Variants in VAV2 observed in about 807,000 individuals in gnomAD.
VAV2 encodes vav guanine nucleotide exchange factor 2, also known as guanine nucleotide exchange factor VAV2.
A neutral mutation model predicts 132.5 loss-of-function variants in VAV2; 67 were observed. The ratio of observed to expected loss-of-function variants is 0.51; its 90% CI spans 0.42 to 0.62. The LOEUF is 0.62. VAV2 is among the 20% of genes least tolerant of loss of function. VAV2 has a pLI of 0.00. For synonymous variants in VAV2, 492 were observed against 443.5 expected, an observed-to-expected ratio of 1.11 and a Z score of -1.37; for missense variants, 938 against 1,153.6, an observed-to-expected ratio of 0.81 and a Z score of 2.71.
intron 2 of VAV2, among the ~76,000 whole-genome samples, chr9:133,875,928 C>T (rs375632101): frequency 6.6e-6 from 1 of 152,216 alleles, no homozygotes; most frequent in Non-Finnish European, 1.5e-5. Flanking sequence ...CACCCAACTG[C>T]GGGGGCCCAA....
intron 1 of VAV2, among the ~76,000 whole-genome samples, chr9:133,947,703 A>T (rs1437334253): frequency 1.3e-5 from 2 of 151,822 alleles, no homozygotes; most frequent in Non-Finnish European, 2.9e-5. Flanking sequence ...CCGTCTCAAA[A>T]AAAAAAAAAC....
Position 133,935,744 on chromosome 9 carries a change from G to T in VAV2, c.321+3359C>A, listed in dbSNP as rs576304403. Among the ~76,000 whole-genome samples the T allele has an allele frequency of 6.6e-6, 1 of 152,216 alleles. No individual in the cohort carries two copies. Among genetic ancestry groups the T allele is most frequent in the African/African-American group, 2.4e-5 (1 of 41,460 alleles). On this transcript the variant is annotated intron_variant, in intron 2 of 29. Coordinates refer to ENST00000371850, the MANE Select transcript of VAV2 (RefSeq NM_001134398.2). This position sits in a 1 kb window ranked among gnomAD's most constrained non-coding sequence, Gnocchi z 5.2. ...GAAGTGCTGACCACAGCTTGACCAC[G>T]GTAGGAAAAACATCCAGGGAAGGAA...
chr9:133,950,488 C>T (rs576804523), intron 1 of VAV2, among the ~76,000 whole-genome samples: 3 of 152,296 alleles, frequency 2.0e-5, no homozygotes, highest in Non-Finnish European at 2.9e-5. Flanking sequence ...CCTCTGCTGC[C>T]GACGGTGGGT....
rs7046600 is a variant in VAV2, at chr9:133,929,627, C to T, written c.321+9476G>A. On this transcript the variant is annotated intron_variant, in intron 2 of 29. Coordinates refer to ENST00000371850, the MANE Select transcript of VAV2 (RefSeq NM_001134398.2). ...AGGAGGAAGGGCCCCTCTGCCTGCACGCAAAAGCCAAGGGGCCTCTCAGCT... is the reference window on the plus strand; with the variant it reads ...AGGAGGAAGGGCCCCTCTGCCTGCATGCAAAAGCCAAGGGGCCTCTCAGCT... 3.3e-5 allele frequency among the ~76,000 whole-genome samples: 5 copies of T among 152,214 alleles called. No individual in the cohort carries two copies. In the South Asian group the frequency reaches 6.2e-4, roughly 19 times the overall value.
At chr9:133,828,331 G>A (rs371222735) in intron 4 of VAV2, among the ~76,000 whole-genome samples, 1 of 23,278 alleles carries the variant, frequency 4.3e-5, no homozygotes, top group African/African-American at 1.3e-4. Context: ...CTACCGCTGC[G>A]CCCACTGGGG....
intron 2 of VAV2, among the ~76,000 whole-genome samples, chr9:133,894,737 A>G (rs1488794234): frequency 1.3e-5 from 2 of 152,178 alleles, no homozygotes; most frequent in African/African-American, 2.4e-5. Context: ...GGGCACCCCA[A>G]GAGGCTCCAG....
chr9:133,788,243 C>CCCCAAA lies in VAV2; in HGVS notation c.1407+110_1407+111insTTTGGG. ...AGACGCCCACCCCAACCCACCCGGC[C>CCCCAAA]AGCATCAGCGGCTGACTTCGAGTCC... On this transcript the variant is annotated intron_variant, in intron 15 of 29. Transcript: ENST00000371850. This position sits in a 1 kb window ranked among gnomAD's most constrained non-coding sequence, Gnocchi z 5.3. The CCCCAAA allele has an allele frequency of 4.6e-6, 6 of 1,310,468 alleles. No individual in the cohort carries two copies. Among genetic ancestry groups the CCCCAAA allele is most frequent in the Non-Finnish European group, 6.3e-6 (6 of 948,746 alleles). The allele number at this position is 1,310,468 out of a possible 1,614,324, so 81.2% of individuals were successfully genotyped here.
intron 3 of VAV2, among the ~76,000 whole-genome samples, chr9:133,855,790 AG>A (rs763843756): frequency 1.3e-5 from 2 of 152,228 alleles, no homozygotes; most frequent in Non-Finnish European, 2.9e-5. Flanking sequence ...AAATTGAAGC[AG>A]GAAGTTCCAG....
chr9:133,844,111 C>T (rs1041682799), intron 3 of VAV2, among the ~76,000 whole-genome samples: 2 of 152,142 alleles, frequency 1.3e-5, no homozygotes, highest in Non-Finnish European at 2.9e-5. Flanking sequence ...ATCTCACAGG[C>T]GGAAAGAAAT....
intron 4 of VAV2, among the ~76,000 whole-genome samples, chr9:133,831,071 G>A (rs1182489479): frequency 6.6e-6 from 1 of 152,168 alleles, no homozygotes; most frequent in Admixed American, 6.5e-5. Context: ...GCTTTTCTGG[G>A]TGAGAGGAAT....
In VAV2 at chr9:133,992,063, C is replaced by T; in HGVS notation, c.204+12G>A. The T allele has an allele frequency of 6.5e-7, 1 of 1,542,268 alleles. No homozygotes were observed. ...CGCCTCCCCGGGGCCCTCCCGCCCG[C>T]CGGGCGCTCACCTGGGACATCTGCG... On this transcript the variant is annotated intron_variant, in intron 1 of 29. Coordinates refer to ENST00000371850, the MANE Select transcript of VAV2 (RefSeq NM_001134398.2). The surrounding 1 kb of genome is among the most constrained non-coding windows in gnomAD (Gnocchi z 5.5).
chr9:133,785,445 G>A (rs753103845), intron 17 of VAV2, among the ~76,000 whole-genome samples: 4 of 152,204 alleles, frequency 2.6e-5, no homozygotes, highest in Non-Finnish European at 5.9e-5. Flanking sequence ...TGGCATCATG[G>A]CCACTCCCAG....
intron 1 of VAV2, among the ~76,000 whole-genome samples, chr9:133,964,050 C>CATACAT (rs1564507703): frequency 2.4e-5 from 2 of 84,912 alleles, no homozygotes; most frequent in Non-Finnish European, 4.4e-5. Flanking sequence ...TATATATATA[C>CATACAT]ATATATATAC....
chr9:133,869,825 T>C (rs1837957767), intron 2 of VAV2, among the ~76,000 whole-genome samples: 1 of 152,168 alleles, frequency 6.6e-6, no homozygotes, highest in Non-Finnish European at 1.5e-5. Flanking sequence ...ACCACACATC[T>C]GGAAACACAC....
rs1425639854 is a variant in VAV2, at chr9:133,768,847, C to T, written c.2435-251G>A. 6.6e-6 allele frequency among the ~76,000 whole-genome samples: 1 copy of T among 152,188 alleles called. No individual in the cohort carries two copies. The highest frequency in any genetic ancestry group is 1.5e-5 in the Non-Finnish European group (1 of 68,030). ...ATGAGGATGTTCTTAGGGACAAGAG[C>T]AGGTGCCCAGGCTTTGACCATCATC... On this transcript the variant is annotated intron_variant, in intron 28 of 29. Transcript: ENST00000371850. The surrounding 1 kb of genome is among the most constrained non-coding windows in gnomAD (Gnocchi z 5.3).
In VAV2 at chr9:133,981,081, G is replaced by C. The variant is rs929220339; in HGVS notation, c.204+10994C>G. 2.0e-5 allele frequency among the ~76,000 whole-genome samples: 3 copies of C among 152,192 alleles called. No individual in the cohort carries two copies. The East Asian group carries it at 5.8e-4, about 29-fold the overall frequency. ...CCTGCACGTGCCCCATCTTCGCCCA[G>C]TCAAACCCAGGAGGCCCTGGGGAGA... On this transcript the variant is annotated intron_variant, in intron 1 of 29. Transcript: ENST00000371850.
chr9:133,973,557 A>G (rs1842409484), intron 1 of VAV2, among the ~76,000 whole-genome samples: 1 of 152,200 alleles, frequency 6.6e-6, no homozygotes, highest in African/African-American at 2.4e-5. Flanking sequence ...AAGGAGACCC[A>G]AAGAAGCTGG....
intron 3 of VAV2, among the ~76,000 whole-genome samples, chr9:133,860,390 G>A (rs989027278): frequency 6.6e-6 from 1 of 151,840 alleles, no homozygotes; most frequent in Admixed American, 6.6e-5. Context: ...ATCCAACAAC[G>A]GAAGTCCCCG....
rs1169407403 is a variant in VAV2 at position 133,763,707 on chromosome 9, C to A, written c.*355G>T. 1 of 307,374 alleles carries A rather than the reference C, an allele frequency of 3.3e-6. No individual in the cohort carries two copies. Among genetic ancestry groups the A allele is most frequent in the East Asian group, 7.9e-5 (1 of 12,640 alleles). The allele number at this position is 307,374 out of a possible 1,614,324, so 19.0% of individuals were successfully genotyped here. ...CCTGGGACAGCATCTGCTGTTCAAA[C>A]CTAGGCTCCTGAAGGCCATCTCAGT... On this transcript the variant is annotated 3_prime_UTR_variant, in exon 30 of 30. Transcript: ENST00000371850. The surrounding 1 kb of genome is among the most constrained non-coding windows in gnomAD (Gnocchi z 6.8).
Sources: gnomAD v4.1 joint callset for allele counts (sites outside exome capture counted in the v4.1 genomes callset) on GRCh38, gnomAD v4.1.1 for gene constraint, Gnocchi (gnomAD v3.1) non-coding constraint, MANE v1.5 for transcripts, NCBI Gene and HGNC (gene_info 2026-07-23, HGNC 2026-07-21) for gene names.